The following ACSM1 variants were observed in gnomAD, a reference collection of about 807,000 sequenced individuals.
ACSM1 encodes acyl-coenzyme A synthetase ACSM1, mitochondrial.
In ACSM1, 79 loss-of-function variants were observed where a neutral mutation model predicts 75.8. That is an observed-to-expected ratio of 1.04 (90% confidence interval 0.87 to 1.26). The LOEUF is 1.26. Ranked by LOEUF, ACSM1 falls within the 50% of genes most tolerant of loss-of-function variation. ACSM1 has a pLI of 0.00. For missense variants in ACSM1, 676 were observed against 720.1 expected (o/e 0.94, Z 0.70); for synonymous variants, 279 against 265.8 (o/e 1.05, Z -0.48).
At chr16:20,694,033 C>T (rs1326416456) in intron 1 of ACSM1, among the ~76,000 whole-genome samples, 1 of 152,172 alleles carries the variant, frequency 6.6e-6, no homozygotes, top group East Asian at 1.9e-4. Flanking sequence ...AAATATTTGC[C>T]CTGGCATTCT....
chr16:20,664,511 G>A (rs1396964406), intron 6 of ACSM1, among the ~76,000 whole-genome samples: 2 of 152,146 alleles, frequency 1.3e-5, no homozygotes, highest in Non-Finnish European at 2.9e-5. Context: ...TATAAGGTGA[G>A]TTCTTCTTGA....
rs745476935 is a variant in ACSM1, at chr16:20,691,106, C to T, written c.83G>A (p.Arg28His). Residue 28 changes from arginine (R) to histidine (H), a missense_variant, in exon 2 of 14, where the codon CGC becomes CAC. Arg to His is a conservative substitution (Grantham distance 29). Transcript: ENST00000520010. Reference sequence around the variant, plus strand: ...TCCAAATTCTGATAAAGACCGGCAGCGCAGCTGTGAAGGGGCAGGGTGGAT... The same window carrying T: ...TCCAAATTCTGATAAAGACCGGCAGTGCAGCTGTGAAGGGGCAGGGTGGAT... ...HNIHPAPSQL[R>H]CRSLSEFGAP... 15 of 1,613,574 alleles carry T rather than the reference C, an allele frequency of 9.3e-6. No individual in the cohort carries two copies. The East Asian group carries it at 1.3e-4, about 14-fold the overall frequency.
chr16:20,628,237 T>G (rs1386654340), intron 10 of ACSM1, among the ~76,000 whole-genome samples: 1 of 152,110 alleles, frequency 6.6e-6, no homozygotes, highest in Non-Finnish European at 1.5e-5. Flanking sequence ...AACCATATGA[T>G]CAGTATCTTA....
chr16:20,679,524 G>C (rs2079392551), intron 4 of ACSM1: 1 of 152,208 alleles, frequency 6.6e-6, no homozygotes, highest in Non-Finnish European at 1.5e-5. Context: ...TGCTGCAAAT[G>C]TCCATGCCCA....
At chr16:20,660,963 T>G (rs2019265823) in intron 7 of ACSM1, among the ~76,000 whole-genome samples, 1 of 152,184 alleles carries the variant, frequency 6.6e-6, no homozygotes, top group Non-Finnish European at 1.5e-5. Context: ...ACAATGGAAA[T>G]TCTCCTGCCC....
chr16:20,627,747 T>C (rs2017038938), intron 10 of ACSM1, among the ~76,000 whole-genome samples: 1 of 151,266 alleles, frequency 6.6e-6, no homozygotes, highest in South Asian at 2.1e-4. Flanking sequence ...GAGAATCGCT[T>C]GAACCTGGGA....
At chr16:20,624,962 C>T (rs540118334) in intron 12 of ACSM1, among the ~76,000 whole-genome samples, 90 of 152,080 alleles carry the variant, frequency 5.9e-4, no homozygotes, top group African/African-American at 2.0e-3. Flanking sequence ...CTCAGGTGAT[C>T]GGTCCACCTC....
Position 20,671,720 on chromosome 16 carries a change from T to C in ACSM1, c.612-49A>G, listed in dbSNP as rs1452712351. ...GGAAAAAAGTCATGATTGCTGTTTC[T>C]TCATCTTCTGGGAATGCAAAAGAAA... is the stretch of plus-strand genomic sequence containing the variant. On this transcript the variant is annotated intron_variant, in intron 4 of 13. Transcript: ENST00000520010. 11 of 1,450,212 alleles carry C rather than the reference T, an allele frequency of 7.6e-6. No individual in the cohort carries two copies. The South Asian group carries it at 1.6e-4, about 21-fold the overall frequency. The allele number at this position is 1,450,212 out of a possible 1,614,324, so 89.8% of individuals were successfully genotyped here.
At chr16:20,676,542 T>C (rs779575355) in intron 4 of ACSM1, among the ~76,000 whole-genome samples, 3 of 152,156 alleles carry the variant, frequency 2.0e-5, no homozygotes, top group Admixed American at 6.5e-5. Context: ...AGAAGCTCCG[T>C]AGGTGTGAAT....
intron 10 of ACSM1, among the ~76,000 whole-genome samples, chr16:20,628,695 G>C (rs537354386): frequency 6.6e-6 from 1 of 152,132 alleles, no homozygotes. Context: ...AAAGCCATCT[G>C]GATTGTTGTC....
chr16:20,685,055 G>T, intron 3 of ACSM1, 138 bp downstream of exon 3: 1 of 821,246 alleles, frequency 1.2e-6, no homozygotes, highest in Non-Finnish European at 2.0e-6. Context: ...GCCTTGCTTT[G>T]TGGTCCCAGC....
intron 10 of ACSM1, among the ~76,000 whole-genome samples, chr16:20,635,584 CTTTCTTTCTT>C (rs1567251595): frequency 0.047 from 299 of 6,370 alleles, 2 homozygotes; most frequent in Middle Eastern, 0.21. Flanking sequence ...TTTTCTTTTT[CTTTCTTTCTT>C]TCTTTCTTTC....
chr16:20,657,284 G>A (rs1197305461), intron 7 of ACSM1, among the ~76,000 whole-genome samples: 1 of 151,592 alleles, frequency 6.6e-6, no homozygotes, highest in African/African-American at 2.4e-5. Flanking sequence ...TTGTTTTTTT[G>A]GGTTTGTTTT....
Position 20,625,491 on chromosome 16 carries a change from C to T in ACSM1, c.1459G>A (p.Ala487Thr), listed in dbSNP as rs549226687. The change falls in exon 12 of 14, where the codon GCT becomes ACT. Residue 487 changes from alanine (A) to threonine (T), a missense_variant. Physicochemically the swap from Ala to Thr is moderately conservative, Grantham distance 58. Coordinates refer to ENST00000520010, the MANE Select transcript of ACSM1 (RefSeq NM_001318890.3). ...GCCACCGCTGGGTGCTCCACCAAAG[C>T]GCTTTCAACCTCTGCAGGCCCGATG... Reference protein sequence around the residue: ...YRIGPAEVESALVEHPAVAES... With the variant: ...YRIGPAEVESTLVEHPAVAES... 5.0e-6 allele frequency: 8 copies of T among 1,614,154 alleles called. No homozygotes were observed. The highest frequency in any genetic ancestry group is 1.6e-4 in the Middle Eastern group (1 of 6,062).
chr16:20,635,788 T>C (rs916677056), intron 10 of ACSM1, among the ~76,000 whole-genome samples: 1 of 152,032 alleles, frequency 6.6e-6, no homozygotes, highest in Non-Finnish European at 1.5e-5. Flanking sequence ...TACAGGTGCA[T>C]GCCACCATGC....
intron 10 of ACSM1, among the ~76,000 whole-genome samples, chr16:20,627,831 TC>T (rs2017049821): frequency 2.8e-5 from 2 of 70,586 alleles, no homozygotes; most frequent in Non-Finnish European, 4.7e-5. Context: ...TTCATCTCTC[TC>T]TCTCTCTCTC....
intron 7 of ACSM1, among the ~76,000 whole-genome samples, chr16:20,657,862 G>GT (rs2019069965): frequency 6.6e-6 from 1 of 151,628 alleles, no homozygotes; most frequent in South Asian, 2.1e-4. Flanking sequence ...GCAGTGTTTG[G>GT]TTTTTTGTCC....
At chr16:20,643,623 A>T (rs973521132) in intron 7 of ACSM1, among the ~76,000 whole-genome samples, 11 of 152,228 alleles carry the variant, frequency 7.2e-5, no homozygotes, top group African/African-American at 1.9e-4. Flanking sequence ...GAAGAGTGAA[A>T]GCCCAAAGCT....
At chr16:20,652,184 C>T (rs939886964) in intron 7 of ACSM1, among the ~76,000 whole-genome samples, 1 of 151,974 alleles carries the variant, frequency 6.6e-6, no homozygotes, top group Non-Finnish European at 1.5e-5. Context: ...CCTAGGTAAA[C>T]TACTAAATTA....
Sources: allele counts gnomAD v4.1 joint callset (sites outside exome capture counted in the v4.1 genomes callset), GRCh38; gene constraint gnomAD v4.1.1; transcripts MANE v1.5; gene names NCBI Gene and HGNC (gene_info 2026-07-23, HGNC 2026-07-21).